PRKAR2B: variants seen among roughly 807,000 people sequenced by gnomAD.
PRKAR2B encodes the protein protein kinase cAMP-dependent type II regulatory subunit beta.
PRKAR2B carries 14 observed loss-of-function variants against 49.9 expected under a neutral mutation model. The observed-to-expected ratio is 0.28, with a 90% CI of 0.19 to 0.44. PRKAR2B has a LOEUF of 0.44. Ranked by LOEUF, PRKAR2B falls within the 20% of genes least tolerant of loss-of-function variation. The probability of loss-of-function intolerance (pLI) is 1.00; values close to 1 mark genes in which losing one functional copy is unlikely to be tolerated. For synonymous variants in PRKAR2B, 196 were observed against 197.7 expected (o/e 0.99, Z 0.07); for missense variants, 393 against 537.9 (o/e 0.73, Z 2.67).
intron 2 of PRKAR2B, among the ~76,000 whole-genome samples, chr7:107,097,082 A>T (rs1584426143): frequency 6.6e-6 from 1 of 152,102 alleles, no homozygotes; most frequent in African/African-American, 2.4e-5. Context: ...TTTCTGTCTC[A>T]TTGATCTGTC....
chr7:107,083,114 C>T (rs1213763823), intron 2 of PRKAR2B, among the ~76,000 whole-genome samples: 7 of 151,534 alleles, frequency 4.6e-5, no homozygotes, highest in Non-Finnish European at 8.8e-5. Flanking sequence ...TATGGTGGCT[C>T]ATGCTTGTAA....
chr7:107,058,927 C>T (rs1363781200), intron 1 of PRKAR2B, among the ~76,000 whole-genome samples: 2 of 152,098 alleles, frequency 1.3e-5, no homozygotes, highest in East Asian at 3.9e-4. Flanking sequence ...AAATGAGGAA[C>T]ACTCATATAA....
At chr7:107,132,711 A>G (rs1277329573) in intron 4 of PRKAR2B, among the ~76,000 whole-genome samples, 2 of 152,140 alleles carry the variant, frequency 1.3e-5, no homozygotes, top group Non-Finnish European at 2.9e-5. Context: ...GGAAAACTTG[A>G]AGGAGGAAGG....
chr7:107,142,816 G>A (rs1795811816), intron 5 of PRKAR2B, among the ~76,000 whole-genome samples: 1 of 151,876 alleles, frequency 6.6e-6, no homozygotes, highest in South Asian at 2.1e-4. Context: ...AGGCTGGAGT[G>A]CAGTGGTGCG....
At chr7:107,102,613 A>G (rs1255789903) in intron 2 of PRKAR2B, among the ~76,000 whole-genome samples, 1 of 152,212 alleles carries the variant, frequency 6.6e-6, no homozygotes, top group Non-Finnish European at 1.5e-5. Context: ...GGGGTTCACC[A>G]GCATTATTAG....
Position 107,143,590 on chromosome 7 carries a change from T to C in PRKAR2B, c.587+2637T>C, listed in dbSNP as rs537560128. On this transcript the variant is annotated intron_variant, in intron 5 of 10. Transcript: ENST00000265717. ...TGTCTTATTTTTTACTGTTAAGTAC[T>C]TATGTGTGAATACAAGTAAAAAATG... Among the ~76,000 whole-genome samples the C allele has an allele frequency of 6.6e-5, 10 of 152,320 alleles. 3 individuals carry two copies. The highest frequency in any genetic ancestry group is 2.4e-4 in the African/African-American group (10 of 41,576).
intron 1 of PRKAR2B, among the ~76,000 whole-genome samples, chr7:107,051,746 A>G (rs1294004859): frequency 6.7e-6 from 1 of 148,548 alleles, no homozygotes; most frequent in Non-Finnish European, 1.5e-5. Context: ...TTTGGAAACT[A>G]AAAAAAAAAG....
At position 107,157,035 on chromosome 7, in the gene PRKAR2B, A is replaced by G. The variant is rs1562874375; in HGVS notation, c.970A>G (p.Thr324Ala). The stretch of plus-strand genomic sequence containing the variant: ...TGTAGAATCTGGAGAAGTGAAAATT[A>G]CTATGAAAAGAAAGGTAAGCATTCT... ...FIVESGEVKITMKRKGKSEVE... is the reference protein window; with the variant it reads ...FIVESGEVKIAMKRKGKSEVE... Residue 324 changes from threonine to alanine, a missense_variant, in exon 9 of 11, where the codon ACT (threonine) becomes GCT (alanine). Physicochemically the swap from Thr to Ala is moderately conservative, Grantham distance 58 (BLOSUM62 0). Coordinates refer to ENST00000265717, the MANE Select transcript of PRKAR2B (RefSeq NM_002736.3). The G allele has an allele frequency of 6.2e-7, 1 of 1,612,104 alleles. No homozygotes were observed.
intron 4 of PRKAR2B, among the ~76,000 whole-genome samples, chr7:107,137,515 A>C (rs1325878240): frequency 6.6e-6 from 1 of 152,226 alleles, no homozygotes; most frequent in Non-Finnish European, 1.5e-5. Flanking sequence ...ATTGTGATGC[A>C]AAGAAAAATG....
chr7:107,121,103 A>AG (rs977126112), intron 2 of PRKAR2B, among the ~76,000 whole-genome samples: 8 of 151,796 alleles, frequency 5.3e-5, no homozygotes, highest in Non-Finnish European at 1.0e-4. Flanking sequence ...TTGTACAGTT[A>AG]GGGGGGTCTT....
At chr7:107,154,784 A>C (rs1450345680) in intron 8 of PRKAR2B, among the ~76,000 whole-genome samples, 1 of 152,240 alleles carries the variant, frequency 6.6e-6, no homozygotes, top group Non-Finnish European at 1.5e-5. Context: ...AGACTGCATC[A>C]TTGGAGATCA....
intron 5 of PRKAR2B, among the ~76,000 whole-genome samples, chr7:107,144,479 G>C (rs1260487877): frequency 6.6e-6 from 1 of 151,866 alleles, no homozygotes; most frequent in Non-Finnish European, 1.5e-5. Context: ...TGGAGGGGCA[G>C]GGAGAGTGTC....
chr7:107,108,706 C>CAGCT (rs1304608986), intron 2 of PRKAR2B, among the ~76,000 whole-genome samples: 1 of 152,244 alleles, frequency 6.6e-6, no homozygotes, highest in African/African-American at 2.4e-5. Flanking sequence ...GGCTCCTGTA[C>CAGCT]AGCTCTACAG....
intron 2 of PRKAR2B, among the ~76,000 whole-genome samples, chr7:107,121,148 A>C (rs1179603630): frequency 6.6e-6 from 1 of 151,928 alleles, no homozygotes; most frequent in Non-Finnish European, 1.5e-5. Context: ...CGATAGGTAC[A>C]ATCCTTCTAG....
intron 2 of PRKAR2B, among the ~76,000 whole-genome samples, chr7:107,113,272 C>T (rs113981994): frequency 0.017 from 2,551 of 152,264 alleles, 42 homozygotes; most frequent in Non-Finnish European, 0.027. Context: ...GAATGTGATT[C>T]AAGGTCTCAG....
Position 107,045,078 on chromosome 7 carries a change from C to A in PRKAR2B, c.171C>A (p.Thr57=), listed in dbSNP as rs1158811779. ...GTARFGHEGR[T]WGDLGAAAGG... is the part of the protein sequence containing the mutation. ...CGCGCTTCGGCCATGAGGGCAGGAC[C>A]TGGGGGGACCTGGGCGCCGCTGCCG... The change falls in exon 1 of 11, where the codon ACC becomes ACA. Residue 57 remains threonine, a synonymous_variant. Transcript: ENST00000265717. 3 of 1,536,024 alleles carry A rather than the reference C, an allele frequency of 2.0e-6. No homozygotes were observed. Among genetic ancestry groups the A allele is most frequent in the Non-Finnish European group, 2.6e-6 (3 of 1,144,790 alleles).
chr7:107,132,322 T>C (rs1443566230), intron 4 of PRKAR2B, among the ~76,000 whole-genome samples: 6 of 152,352 alleles, frequency 3.9e-5, no homozygotes, highest in Non-Finnish European at 5.9e-5. Flanking sequence ...AATGCTATGC[T>C]GTGGCACTGG....
At chr7:107,056,385 GA>G (rs1267279285) in intron 1 of PRKAR2B, among the ~76,000 whole-genome samples, 1 of 152,164 alleles carries the variant, frequency 6.6e-6, no homozygotes, top group Non-Finnish European at 1.5e-5. Flanking sequence ...GGATGGCATT[GA>G]ATCTATAAAT....
intron 3 of PRKAR2B, among the ~76,000 whole-genome samples, chr7:107,126,292 G>A (rs895237068): frequency 4.7e-5 from 7 of 149,350 alleles, no homozygotes; most frequent in African/African-American, 1.5e-4. Context: ...GTGGTGGCAG[G>A]CACCTGTAGT....
Sources: gnomAD v4.1 joint callset for allele counts (sites outside exome capture counted in the v4.1 genomes callset) on GRCh38, gnomAD v4.1.1 for gene constraint, MANE v1.5 for transcripts, NCBI Gene and HGNC (gene_info 2026-07-23, HGNC 2026-07-21) for gene names.